RASIP1: variants seen among roughly 807,000 people sequenced by gnomAD.
The protein encoded by RASIP1 is ras-interacting protein 1.
A neutral mutation model predicts 85.3 loss-of-function variants in RASIP1; 20 were observed. The observed-to-expected ratio is 0.23, with a 90% CI of 0.17 to 0.34. RASIP1 has a LOEUF of 0.34. RASIP1 is among the 10% of genes least tolerant of loss of function. RASIP1 has a pLI of 1.00. For missense variants in RASIP1, 1,170 were observed against 1,390.9 expected (o/e 0.84, Z 2.53); for synonymous variants, 617 against 647.1 (o/e 0.95, Z 0.71).
chr19:48,738,422 G>C lies in RASIP1; in HGVS notation c.823+538C>G, dbSNP rs1162105262. On this transcript the variant is annotated intron_variant, in intron 3 of 11. Coordinates refer to ENST00000222145, the MANE Select transcript of RASIP1 (RefSeq NM_017805.3). This position sits in a 1 kb window ranked among gnomAD's most constrained non-coding sequence, Gnocchi z 4.0. ...GACCTCGCAGAAACCTTACCAGAAA[G>C]TGGGGATTGGTTAGAGAAAGGAACT... The C allele has an allele frequency of 1.3e-5, 2 of 152,288 alleles. No homozygotes were observed. The highest frequency in any genetic ancestry group is 4.8e-5 in the African/African-American group (2 of 41,444). 9.4% of individuals were successfully genotyped at this position (152,288 alleles called of 1,614,324 possible).
chr19:48,729,689 C>T, intron 4 of RASIP1, 99 bp from the exon 5 acceptor site: 26 of 905,852 alleles, frequency 2.9e-5, no homozygotes, highest in East Asian at 1.4e-4. Flanking sequence ...TTCCCACCAA[C>T]TTTTTTTTTC....
intron 4 of RASIP1, among the ~76,000 whole-genome samples, chr19:48,730,932 G>A (rs537255370): frequency 2.0e-5 from 3 of 152,164 alleles, no homozygotes; most frequent in South Asian, 2.1e-4. Flanking sequence ...CACAAGAATC[G>A]CTTGAACCCA....
rs201889483 is a variant in RASIP1 at position 48,721,034 on chromosome 19, G to A, written c.2693-37C>T. ...AAGGCGGCGCGGTTAGAGTCTGAAAGTGGGAGTGAGGTAGTTGCATCGGGA... is the reference window on the plus strand; with the variant it reads ...AAGGCGGCGCGGTTAGAGTCTGAAAATGGGAGTGAGGTAGTTGCATCGGGA... On this transcript the variant is annotated intron_variant, in intron 11 of 11. Coordinates refer to ENST00000222145, the MANE Select transcript of RASIP1 (RefSeq NM_017805.3). 346 of 1,518,290 alleles carry A rather than the reference G, an allele frequency of 2.3e-4. 3 individuals are homozygous for A. The African/African-American group carries it at 4.0e-3, about 17-fold the overall frequency. 94.1% of individuals were successfully genotyped at this position (1,518,290 alleles called of 1,614,324 possible). A position where few individuals can be genotyped will look rare whatever the true frequency, so the allele number is the denominator to read the frequency against.
At chr19:48,735,139 A>AC (rs1294286547) in intron 4 of RASIP1, 57 bp downstream of exon 4, 1 of 1,458,142 alleles carries the variant, frequency 6.9e-7, no homozygotes, top group Admixed American at 2.2e-5. Context: ...TTTGTTGCTC[A>AC]CCCACCAACA....
In RASIP1 at chr19:48,727,147, C is replaced by T. The variant is rs897284418; in HGVS notation, c.1883G>A (p.Gly628Glu). Residue 628 changes from glycine (G) to glutamate (E), a missense_variant, in exon 7 of 12, where the codon GGG becomes GAG. Around this residue, in one of 4 missense-constraint regions of RASIP1, gnomAD observed 426 missense variants for 576.2 expected, o/e 0.74. Transcript: ENST00000222145. ...AGGAGTCAGGGGCACCTCGGGGACC[C>T]CCTCAGGGTGGCTTGAAAAAGAGGA... The part of the protein sequence containing the change: ...GDRQPENHPE[G>E]VPEVPLTPEA... 1 of 1,613,916 alleles carries T rather than the reference C, an allele frequency of 6.2e-7. No homozygotes were observed. The highest frequency in any genetic ancestry group is 8.5e-7 in the Non-Finnish European group (1 of 1,180,022).
intron 10 of RASIP1, among the ~76,000 whole-genome samples, chr19:48,722,516 C>T (rs1169201986): frequency 6.6e-6 from 1 of 151,892 alleles, no homozygotes; most frequent in Non-Finnish European, 1.5e-5. Context: ...GAGATGGGAT[C>T]TCACTATGCT....
rs1453244302 is a variant in RASIP1, at chr19:48,739,441, G to A, written c.342C>T (p.Gly114=). The A allele has an allele frequency of 3.5e-6, 5 of 1,447,848 alleles. No individual in the cohort carries two copies. Among genetic ancestry groups the A allele is most frequent in the Admixed American group, 2.7e-5 (1 of 36,680 alleles). 89.7% of individuals were successfully genotyped at this position (1,447,848 alleles called of 1,614,324 possible). ...SGAGGPGTPG[G]AQRWASEKKL... is the part of the protein sequence containing the mutation. ...TCTTCTCGCTGGCCCAGCGCTGCGC[G>A]CCCCCCGGGGTCCCAGGGCCTCCTG... The change falls in exon 3 of 12, where the codon GGC becomes GGT. Residue 114 remains glycine (G), a synonymous_variant. Coordinates refer to ENST00000222145, the MANE Select transcript of RASIP1 (RefSeq NM_017805.3). This position sits in a 1 kb window ranked among gnomAD's most constrained non-coding sequence, Gnocchi z 9.2.
rs904393993 is a variant in RASIP1 at position 48,724,089 on chromosome 19, C to T, written c.2544+248G>A. ...TCCCAAAGTGTTGGGATTATAGGCG[C>T]GAGCCACTGCTCCTGGCCTGGAAAC... On this transcript the variant is annotated intron_variant, in intron 10 of 11. Transcript: ENST00000222145. This position sits in a 1 kb window ranked among gnomAD's most constrained non-coding sequence, Gnocchi z 4.6. 1.3e-5 allele frequency among the ~76,000 whole-genome samples: 2 copies of T among 152,128 alleles called. No homozygotes were observed. Among genetic ancestry groups the T allele is most frequent in the African/African-American group, 2.4e-5 (1 of 41,456 alleles).
intron 10 of RASIP1, among the ~76,000 whole-genome samples, chr19:48,723,547 G>A (rs1266618698): frequency 7.8e-5 from 10 of 127,624 alleles, no homozygotes; most frequent in African/African-American, 2.7e-4. Context: ...GTGACAGAGT[G>A]AGACTCCGTC....
rs1190229764 is a variant in RASIP1 at position 48,739,277 on chromosome 19, C to T, written c.506G>A (p.Arg169His). Residue 169 changes from arginine (R) to histidine (H), a missense_variant, in exon 3 of 12, where the codon CGC (arginine) becomes CAC (histidine). This residue lies in a region of RASIP1 where 299 missense variants were observed against 394.4 expected (regional missense o/e 0.76). Transcript: ENST00000222145. This position sits in a 1 kb window ranked among gnomAD's most constrained non-coding sequence, Gnocchi z 9.2. ...GGCCACGAGCTCGCGCGCCGTGGAG[C>T]GCGCCGTGGCCAGCACGCTCTTGTA... Reference protein sequence around the residue: ...ANYKSVLATARSTARELVAEA... With the variant: ...ANYKSVLATAHSTARELVAEA... 2 of 1,466,364 alleles carry T rather than the reference C, an allele frequency of 1.4e-6. No homozygotes were observed. Among genetic ancestry groups the T allele is most frequent in the Non-Finnish European group, 8.9e-7 (1 of 1,117,660 alleles). 90.8% of individuals were successfully genotyped at this position (1,466,364 alleles called of 1,614,324 possible). A position where few individuals can be genotyped will look rare whatever the true frequency, so the allele number is the denominator to read the frequency against.
rs750389708 is a variant in RASIP1, at chr19:48,727,161, T to C, written c.1872-3A>G. The C allele has an allele frequency of 8.6e-5, 139 of 1,613,128 alleles. 1 individual carries two copies. The Admixed American group carries it at 2.3e-3, about 27-fold the overall frequency. On this transcript the variant is annotated splice_polypyrimidine_tract_variant and splice_region_variant and intron_variant, in intron 6 of 11. Coordinates refer to ENST00000222145, the MANE Select transcript of RASIP1 (RefSeq NM_017805.3). The stretch of plus-strand genomic sequence containing the variant: ...CCTCGGGGACCCCCTCAGGGTGGCT[T>C]GAAAAAGAGGAAGGAATTTGTGATC...
In RASIP1 at chr19:48,724,147, C is replaced by T. The variant is rs1301357282; in HGVS notation, c.2544+190G>A. Among the ~76,000 whole-genome samples the T allele has an allele frequency of 1.3e-5, 2 of 152,180 alleles. No individual in the cohort carries two copies. Among genetic ancestry groups the T allele is most frequent in the Non-Finnish European group, 2.9e-5 (2 of 68,036 alleles). On this transcript the variant is annotated intron_variant, in intron 10 of 11. Transcript: ENST00000222145. This position sits in a 1 kb window ranked among gnomAD's most constrained non-coding sequence, Gnocchi z 4.6. ...AATAAGTTCCACCAGGATTCAGACA[C>T]AGCCGAGTTTAGTCATTGTTGGTGC... is the stretch of plus-strand genomic sequence containing the variant.
intron 4 of RASIP1, among the ~76,000 whole-genome samples, chr19:48,733,841 A>C (rs2033511683): frequency 6.7e-6 from 1 of 150,304 alleles, no homozygotes; most frequent in Non-Finnish European, 1.5e-5. Flanking sequence ...GGGGCAGTGC[A>C]CTCCTACGAA....
chr19:48,738,174 A>G lies in RASIP1; in HGVS notation c.823+786T>C, dbSNP rs1286877840. On this transcript the variant is annotated intron_variant, in intron 3 of 11. Coordinates refer to ENST00000222145, the MANE Select transcript of RASIP1 (RefSeq NM_017805.3). The surrounding 1 kb of genome is among the most constrained non-coding windows in gnomAD (Gnocchi z 4.0). Reference sequence around the variant, plus strand: ...TGGCCAGACTGGTCTCGAACTCCCAACCTCAGGTGATCCGCCCGCCTCAGC... The same window carrying G: ...TGGCCAGACTGGTCTCGAACTCCCAGCCTCAGGTGATCCGCCCGCCTCAGC... Among the ~76,000 whole-genome samples the G allele has an allele frequency of 6.6e-6, 1 of 151,982 alleles. No homozygotes were observed. The highest frequency in any genetic ancestry group is 1.5e-5 in the Non-Finnish European group (1 of 67,974).
Position 48,740,277 on chromosome 19 carries a change from C to G in RASIP1, c.6G>C (p.Leu2=). 1.3e-6 allele frequency: 2 copies of G among 1,584,656 alleles called. No individual in the cohort carries two copies. The highest frequency in any genetic ancestry group is 2.8e-5 in the African/African-American group (2 of 72,366). ...TTCCGCCCTCCTTCCGTTCACCAGA[C>G]AGCATGGCCCTAAGGGAAGGCGGGT... M[L]SGERKEGGSP... Residue 2 remains leucine, a synonymous_variant, in exon 2 of 12, where the codon CTG becomes CTC. Coordinates refer to ENST00000222145, the MANE Select transcript of RASIP1 (RefSeq NM_017805.3). The surrounding 1 kb of genome is among the most constrained non-coding windows in gnomAD (Gnocchi z 5.5).
chr19:48,739,471 G>C lies in RASIP1; in HGVS notation c.312C>G (p.Ser104Arg), dbSNP rs2033631023. 6.7e-7 allele frequency: 1 copy of C among 1,487,416 alleles called. No homozygotes were observed. Among genetic ancestry groups the C allele is most frequent in the African/African-American group, 1.5e-5 (1 of 68,614 alleles). The allele number at this position is 1,487,416 out of a possible 1,614,324, so 92.1% of individuals were successfully genotyped here. A position where few individuals can be genotyped will look rare whatever the true frequency, so the allele number is the denominator to read the frequency against. Residue 104 changes from serine to arginine, a missense_variant, in exon 3 of 12, where the codon AGC (serine) becomes AGG (arginine). This residue lies in a region of RASIP1 where 299 missense variants were observed against 394.4 expected (regional missense o/e 0.76). Transcript: ENST00000222145. The surrounding 1 kb of genome is among the most constrained non-coding windows in gnomAD (Gnocchi z 9.2). ...RGSGTGTTGS[S>R]GAGGPGTPGG... is the part of the protein sequence containing the mutation. ...CCGGGGTCCCAGGGCCTCCTGCGCC[G>C]CTGGACCCCGTGGTCCCGGTCCCCG...
At position 48,724,450 on chromosome 19, in the gene RASIP1, G is replaced by A. The variant is rs760469367; in HGVS notation, c.2431C>T (p.Leu811Phe). The change falls in exon 10 of 12, where the codon CTC (leucine) becomes TTC (phenylalanine). Residue 811 changes from leucine to phenylalanine, a missense_variant. By Grantham distance (22) the Leu-to-Phe change is conservative (BLOSUM62 0). Coordinates refer to ENST00000222145, the MANE Select transcript of RASIP1 (RefSeq NM_017805.3). This position sits in a 1 kb window ranked among gnomAD's most constrained non-coding sequence, Gnocchi z 4.6. ...RAVQIRTNLD[L>F]VLDWLQGAGL... ...GCTCCCTGTAGCCAGTCCAAGACGA[G>A]GTCCAGGTTGGTTCGGATTTGAACA... 2.7e-5 allele frequency: 44 copies of A among 1,614,052 alleles called. No individual in the cohort carries two copies. The highest frequency in any genetic ancestry group is 2.0e-4 in the East Asian group (9 of 44,886).
intron 4 of RASIP1, among the ~76,000 whole-genome samples, chr19:48,730,152 G>T (rs1185129060): frequency 6.6e-6 from 1 of 151,210 alleles, no homozygotes; most frequent in Non-Finnish European, 1.5e-5. Flanking sequence ...CCGAAGACCG[G>T]CTATGTACAA....
At position 48,740,588 on chromosome 19, in the gene RASIP1, C is replaced by G; in HGVS notation, c.-72G>C. On this transcript the variant is annotated 5_prime_UTR_variant, in exon 1 of 12. Transcript: ENST00000222145. This position sits in a 1 kb window ranked among gnomAD's most constrained non-coding sequence, Gnocchi z 5.5. ...GCCTGGGTCAGTTCCACTGCTCTTG[C>G]CTCTGCCACGGCTCCCAGCACTGGG... is the stretch of plus-strand genomic sequence containing the variant. The G allele has an allele frequency of 7.2e-7, 1 of 1,388,688 alleles. No individual in the cohort carries two copies. Among genetic ancestry groups the G allele is most frequent in the Non-Finnish European group, 9.3e-7 (1 of 1,074,342 alleles). 86.0% of individuals were successfully genotyped at this position (1,388,688 alleles called of 1,614,324 possible). A position where few individuals can be genotyped will look rare whatever the true frequency, so the allele number is the denominator to read the frequency against.
Sources: gnomAD v4.1 joint callset for allele counts (sites outside exome capture counted in the v4.1 genomes callset) on GRCh38, gnomAD v4.1.1 for gene constraint, gnomAD v4.1.1 regional missense constraint, Gnocchi (gnomAD v3.1) non-coding constraint, MANE v1.5 for transcripts, NCBI Gene and HGNC (gene_info 2026-07-23, HGNC 2026-07-21) for gene names.